The following BLVRA variants were observed in gnomAD, a reference collection of about 807,000 sequenced individuals.
BLVRA encodes biliverdin reductase A.
BLVRA carries 22 observed loss-of-function variants against 32.8 expected under a neutral mutation model. The ratio of observed to expected loss-of-function variants is 0.67; its 90% CI spans 0.48 to 0.96. The LOEUF is 0.96. Ranked by LOEUF, BLVRA falls within the 40% of genes least tolerant of loss-of-function variation. BLVRA has a pLI of 0.00. For synonymous variants in BLVRA, 119 were observed against 141.3 expected (o/e 0.84, Z 1.12); for missense variants, 323 against 358.1 (o/e 0.90, Z 0.79).
chr7:43,780,284 A>C (rs1376030957), intron 2 of BLVRA, among the ~76,000 whole-genome samples: 1 of 152,138 alleles, frequency 6.6e-6, no homozygotes, highest in Non-Finnish European at 1.5e-5. Flanking sequence ...TCTGTGGGCC[A>C]GGCGCTCCAG....
intron 6 of BLVRA, among the ~76,000 whole-genome samples, chr7:43,802,324 T>G (rs2132595223): frequency 6.6e-6 from 1 of 152,316 alleles, no homozygotes; most frequent in African/African-American, 2.4e-5. Context: ...CTCATTGTTA[T>G]TAGTCATTGT....
intron 2 of BLVRA, among the ~76,000 whole-genome samples, chr7:43,776,649 C>A (rs1385898528): frequency 6.6e-6 from 1 of 152,104 alleles, no homozygotes; most frequent in African/African-American, 2.4e-5. Context: ...CTGTAGATGT[C>A]TATTAGGTCT....
intron 6 of BLVRA, among the ~76,000 whole-genome samples, chr7:43,802,286 A>G (rs1165679240): frequency 6.6e-6 from 1 of 152,222 alleles, no homozygotes; most frequent in African/African-American, 2.4e-5. Flanking sequence ...TTGGTTTTAT[A>G]TATAACTTAT....
intron 2 of BLVRA, among the ~76,000 whole-genome samples, chr7:43,785,705 A>G (rs571291881): frequency 1.2e-4 from 19 of 152,332 alleles, no homozygotes; most frequent in African/African-American, 4.3e-4. Context: ...CTTCTGGGCA[A>G]GTTCTGGAGA....
At chr7:43,796,259 T>C (rs576681553) in intron 5 of BLVRA, among the ~76,000 whole-genome samples, 1 of 152,122 alleles carries the variant, frequency 6.6e-6, no homozygotes, top group Non-Finnish European at 1.5e-5. Context: ...TGAACACTTA[T>C]ACAATTGTTA....
chr7:43,802,684 A>G (rs1407481544), intron 6 of BLVRA, among the ~76,000 whole-genome samples: 2 of 152,016 alleles, frequency 1.3e-5, no homozygotes, highest in African/African-American at 4.8e-5. Flanking sequence ...GTTTTTTTGT[A>G]GAGACAGAGT....
intron 2 of BLVRA, among the ~76,000 whole-genome samples, chr7:43,782,522 G>A (rs771937186): frequency 6.6e-6 from 1 of 152,174 alleles, no homozygotes; most frequent in Non-Finnish European, 1.5e-5. Context: ...CCAGGGCGCG[G>A]TGGGAAAGCC....
In BLVRA at chr7:43,807,139, G is replaced by A; in HGVS notation, c.795G>A (p.Gln265=). 1 of 1,614,100 alleles carries A rather than the reference G, an allele frequency of 6.2e-7. No individual in the cohort carries two copies. Among genetic ancestry groups the A allele is most frequent in the Non-Finnish European group, 8.5e-7 (1 of 1,180,022 alleles). The change falls in exon 8 of 8, where the codon CAG becomes CAA. Residue 265 remains glutamine (Q), a synonymous_variant. Coordinates refer to ENST00000265523, the MANE Select transcript of BLVRA (RefSeq NM_000712.4). ...QNIFVQKLLG[Q]FSEKELAAEK... is the part of the protein sequence containing the mutation. ...TATTTGTCCAGAAACTCTTGGGCCA[G>A]TTCTCTGAGAAGGAACTGGCTGCTG...
chr7:43,803,869 G>C, intron 7 of BLVRA, 22 bp downstream of exon 7: 2 of 1,613,022 alleles, frequency 1.2e-6, no homozygotes, highest in Non-Finnish European at 1.7e-6. Flanking sequence ...GAAGCCATGA[G>C]GAGGAGGAAA....
intron 1 of BLVRA, among the ~76,000 whole-genome samples, chr7:43,766,597 G>T (rs1307517363): frequency 6.6e-6 from 1 of 152,196 alleles, no homozygotes; most frequent in Non-Finnish European, 1.5e-5. Context: ...GGGAGGAAAG[G>T]AGAGGGAGCT....
chr7:43,779,310 C>T (rs1034714676), intron 2 of BLVRA, among the ~76,000 whole-genome samples: 3 of 152,254 alleles, frequency 2.0e-5, no homozygotes, highest in African/African-American at 7.2e-5. Flanking sequence ...TTCTCATCCC[C>T]TGCAAGGCAG....
chr7:43,781,432 G>T (rs73101418), intron 2 of BLVRA, among the ~76,000 whole-genome samples: 23,101 of 151,906 alleles, frequency 0.15, 2,205 homozygotes, highest in Non-Finnish European at 0.21. Flanking sequence ...CTGCAACCTC[G>T]GCCTCCCGTT....
At chr7:43,786,851 G>A (rs1218773127) in intron 2 of BLVRA, among the ~76,000 whole-genome samples, 1 of 152,126 alleles carries the variant, frequency 6.6e-6, no homozygotes, top group Non-Finnish European at 1.5e-5. Context: ...GAAGAAAAGG[G>A]GCAAATCTGA....
chr7:43,803,136 A>G (rs1346966828), intron 6 of BLVRA, among the ~76,000 whole-genome samples: 1 of 152,230 alleles, frequency 6.6e-6, no homozygotes, highest in African/African-American at 2.4e-5. Flanking sequence ...GCTCAAAGGT[A>G]TTACCATTTT....
rs980839147 is a variant in BLVRA at position 43,807,052 on chromosome 7, G to A, written c.708G>A (p.Gly236=). 1 of 1,614,174 alleles carries A rather than the reference G, an allele frequency of 6.2e-7. No individual in the cohort carries two copies. The highest frequency in any genetic ancestry group is 8.5e-7 in the Non-Finnish European group (1 of 1,180,002). Residue 236 remains glycine, a synonymous_variant, in exon 8 of 8, where the codon GGG becomes GGA. Coordinates refer to ENST00000265523, the MANE Select transcript of BLVRA (RefSeq NM_000712.4). The stretch of plus-strand genomic sequence containing the variant: ...ATTTAAGCTTCCATTTCAAGTCTGG[G>A]TCCTTGGAGAATGTGCCAAATGTAG... ...NRYLSFHFKS[G]SLENVPNVGV...
rs1487611310 is a variant in BLVRA, at chr7:43,787,892, C to A, written c.13-12C>A. 2 of 1,614,032 alleles carry A rather than the reference C, an allele frequency of 1.2e-6. No homozygotes were observed. Among genetic ancestry groups the A allele is most frequent in the South Asian group, 1.1e-5 (1 of 91,086 alleles). On this transcript the variant is annotated splice_polypyrimidine_tract_variant and intron_variant, in intron 2 of 7. Transcript: ENST00000265523. This position sits in a 1 kb window ranked among gnomAD's most constrained non-coding sequence, Gnocchi z 4.5. ...GTGTTTTCAGACTCCACCTTGGTCC[C>A]TTGTGTTTCAGCCCGAGAGGAAGTT...
Position 43,791,240 on chromosome 7 carries a change from C to G in BLVRA, c.135-9C>G. 6.2e-7 allele frequency: 1 copy of G among 1,614,042 alleles called. No homozygotes were observed. The highest frequency in any genetic ancestry group is 8.5e-7 in the Non-Finnish European group (1 of 1,179,996). On this transcript the variant is annotated splice_polypyrimidine_tract_variant and intron_variant, in intron 3 of 7. Transcript: ENST00000265523. Reference sequence around the variant, plus strand: ...CATTGAGTTCCATTTCTCTGTTACTCTGAAATAGAAGGGAGCTCGGGAGCA... The same window carrying G: ...CATTGAGTTCCATTTCTCTGTTACTGTGAAATAGAAGGGAGCTCGGGAGCA...
At chr7:43,781,288 T>C (rs1395279866) in intron 2 of BLVRA, among the ~76,000 whole-genome samples, 1 of 152,186 alleles carries the variant, frequency 6.6e-6, no homozygotes, top group Non-Finnish European at 1.5e-5. Context: ...CTGTTGCCCC[T>C]TTATAGTCAC....
At position 43,807,010 on chromosome 7, in the gene BLVRA, T is replaced by C. The variant is rs767035399; in HGVS notation, c.666T>C (p.Gly222=). The stretch of plus-strand genomic sequence containing the variant: ...CATGGATTGAAGAAAAAGGACCTGG[T>C]CTAAAACGAAACAGATATTTAAGCT... ...PLSWIEEKGP[G]LKRNRYLSFH... is the part of the protein sequence containing the mutation. Residue 222 remains glycine (G), a synonymous_variant, in exon 8 of 8, where the codon GGT becomes GGC. Transcript: ENST00000265523. 3.6e-5 allele frequency: 58 copies of C among 1,614,016 alleles called. No individual in the cohort carries two copies. Among genetic ancestry groups the C allele is most frequent in the Non-Finnish European group, 4.6e-5 (54 of 1,180,002 alleles).
Sources: allele counts gnomAD v4.1 joint callset (sites outside exome capture counted in the v4.1 genomes callset), GRCh38; gene constraint gnomAD v4.1.1; non-coding constraint Gnocchi (gnomAD v3.1); transcripts MANE v1.5; gene names NCBI Gene and HGNC (gene_info 2026-07-23, HGNC 2026-07-21).